Variants in LRRC36 observed in about 807,000 individuals in gnomAD.
LRRC36 encodes leucine rich repeat containing 36.
A neutral mutation model predicts 81.1 loss-of-function variants in LRRC36; 62 were observed. The ratio of observed to expected loss-of-function variants is 0.76; its 90% CI spans 0.62 to 0.94. LRRC36 has a LOEUF of 0.94. Among genes scored for constraint, LRRC36 ranks in the 40% least tolerant of loss-of-function variants. LRRC36 has a pLI of 0.00. For synonymous variants in LRRC36, 334 were observed against 348.6 expected, an observed-to-expected ratio of 0.96 and a Z score of 0.47; for missense variants, 761 against 881.7, an observed-to-expected ratio of 0.86 and a Z score of 1.73.
chr16:67,365,494 C>T (rs2039343692), intron 7 of LRRC36, 139 bp downstream of exon 7: 3 of 657,972 alleles, frequency 4.6e-6, no homozygotes, highest in Admixed American at 6.3e-5. Flanking sequence ...AGGGACTGTC[C>T]TGGATGATTA....
Position 67,338,865 on chromosome 16 carries a change from A to ATTTTTTT in LRRC36, c.71-3052_71-3046dup, listed in dbSNP as rs71145967. ...TTTCTAATTTCTGCTTGGAAGCTGA[A>ATTTTTTT]TTTTTTTTTTTTTTTTTTTTTTTTT... On this transcript the variant is annotated intron_variant, in intron 1 of 13. Coordinates refer to ENST00000329956, the MANE Select transcript of LRRC36 (RefSeq NM_018296.6). Among the ~76,000 whole-genome samples the ATTTTTTT allele has an allele frequency of 4.4e-5, 2 of 45,404 alleles. 1 individual carries two copies. Among genetic ancestry groups the ATTTTTTT allele is most frequent in the Non-Finnish European group, 8.5e-5 (2 of 23,534 alleles). The allele number at this position is 45,404 out of a possible 152,430, so 29.8% of individuals were successfully genotyped here.
intron 1 of LRRC36, among the ~76,000 whole-genome samples, chr16:67,328,217 A>C (rs1333851263): frequency 6.6e-6 from 1 of 152,082 alleles, no homozygotes; most frequent in Non-Finnish European, 1.5e-5. Flanking sequence ...GTAATATAAT[A>C]ATTGTACAGT....
intron 8 of LRRC36, among the ~76,000 whole-genome samples, chr16:67,370,562 G>A (rs1485182258): frequency 1.3e-5 from 2 of 151,290 alleles, no homozygotes; most frequent in Non-Finnish European, 2.9e-5. Context: ...GAACTCAGGA[G>A]GCAGAGGTTG....
At chr16:67,348,274 TA>T (rs2038448377) in intron 4 of LRRC36, among the ~76,000 whole-genome samples, 1 of 152,202 alleles carries the variant, frequency 6.6e-6, no homozygotes, top group African/African-American at 2.4e-5. Context: ...GTTTGGTATA[TA>T]TCCTTCCAGA....
intron 9 of LRRC36, among the ~76,000 whole-genome samples, chr16:67,374,895 G>A (rs1167315299): frequency 6.6e-6 from 1 of 151,902 alleles, no homozygotes; most frequent in Non-Finnish European, 1.5e-5. Flanking sequence ...ACTTTGGGAA[G>A]CTGAGGCGGG....
chr16:67,374,512 A>C (rs1412280053), intron 9 of LRRC36, among the ~76,000 whole-genome samples: 1 of 151,948 alleles, frequency 6.6e-6, no homozygotes, highest in Non-Finnish European at 1.5e-5. Flanking sequence ...CTCCTGCCTC[A>C]TCCTCCTGAG....
intron 2 of LRRC36, among the ~76,000 whole-genome samples, chr16:67,344,243 A>G (rs772440988): frequency 3.3e-5 from 5 of 152,232 alleles, no homozygotes; most frequent in Admixed American, 6.5e-5. Flanking sequence ...ACAACTGGTA[A>G]AAGTGAGAGG....
chr16:67,344,665 C>T (rs1471245988), intron 2 of LRRC36, among the ~76,000 whole-genome samples: 1 of 152,036 alleles, frequency 6.6e-6, no homozygotes, highest in African/African-American at 2.4e-5. Flanking sequence ...GGTGCACTGC[C>T]CTGAGAGTGA....
chr16:67,355,080 G>A lies in LRRC36; in HGVS notation c.577+4790G>A, dbSNP rs115460736. Among the ~76,000 whole-genome samples the A allele has an allele frequency of 6.3e-3, 964 of 152,180 alleles. 8 individuals are homozygous for A. The highest frequency in any genetic ancestry group is 0.022 in the African/African-American group (901 of 41,504). ...TTAAATTTCCTCCATGCCTTTTCAT[G>A]GCTTGACAGCTCATTTCTTCTTAGT... On this transcript the variant is annotated intron_variant, in intron 5 of 13. Coordinates refer to ENST00000329956, the MANE Select transcript of LRRC36 (RefSeq NM_018296.6).
At chr16:67,339,735 C>G (rs2037940511) in intron 1 of LRRC36, among the ~76,000 whole-genome samples, 1 of 152,138 alleles carries the variant, frequency 6.6e-6, no homozygotes. Context: ...ATATCTGGAC[C>G]TTTTATTTCC....
At chr16:67,344,081 T>C (rs1245505288) in intron 2 of LRRC36, among the ~76,000 whole-genome samples, 2 of 152,086 alleles carry the variant, frequency 1.3e-5, no homozygotes, top group African/African-American at 4.8e-5. Context: ...CCTCCCAAAG[T>C]GCTGGGATTA....
Position 67,341,962 on chromosome 16 carries a change from G to A in LRRC36, c.76G>A (p.Val26Met). ...TACTGATGATCTCTTTTCAGAACTG[G>A]TGGAGTCTCTTTCATTGCAGGGATC... Reference protein sequence around the residue: ...GALTLEQPELVESLSLQGSYA... With the variant: ...GALTLEQPELMESLSLQGSYA... The change falls in exon 2 of 14, where the codon GTG becomes ATG. Residue 26 changes from valine to methionine, a missense_variant. By Grantham distance (21) the Val-to-Met change is conservative (BLOSUM62 1). Transcript: ENST00000329956. The A allele has an allele frequency of 1.2e-6, 2 of 1,609,146 alleles. No homozygotes were observed. Among genetic ancestry groups the A allele is most frequent in the Non-Finnish European group, 1.7e-6 (2 of 1,176,886 alleles).
At chr16:67,382,598 C>T (rs564656173) in intron 13 of LRRC36, among the ~76,000 whole-genome samples, 1 of 152,108 alleles carries the variant, frequency 6.6e-6, no homozygotes, top group Non-Finnish European at 1.5e-5. Context: ...CTATTGGTCA[C>T]GAAAGACATC....
Position 67,375,275 on chromosome 16 carries a change from A to C in LRRC36, c.1523A>C (p.His508Pro), listed in dbSNP as rs774390305. 33 of 1,611,672 alleles carry C rather than the reference A, an allele frequency of 2.0e-5. No individual in the cohort carries two copies. In the East Asian group the frequency reaches 7.1e-4, roughly 35 times the overall value. Residue 508 changes from histidine (H) to proline (P), a missense_variant, in exon 10 of 14, where the codon CAC (histidine) becomes CCC (proline). This residue lies in a region of LRRC36 where 359 missense variants were observed against 388.4 expected (regional missense o/e 0.92). Coordinates refer to ENST00000329956, the MANE Select transcript of LRRC36 (RefSeq NM_018296.6). ...EPLSSDLGSL[H>P]GLAGNHSPPI... ...CTCTCTAGTGACCTGGGTAGTTTGC[A>C]CGGTTTGGCTGGAAACCACAGTCCC...
At chr16:67,337,701 AT>A (rs1222973029) in intron 1 of LRRC36, among the ~76,000 whole-genome samples, 6 of 151,302 alleles carry the variant, frequency 4.0e-5, no homozygotes, top group Non-Finnish European at 5.9e-5. Flanking sequence ...TCTGTATTCA[AT>A]TTTTTTTCTT....
At chr16:67,332,395 T>C (rs151099534) in intron 1 of LRRC36, among the ~76,000 whole-genome samples, 7,904 of 151,748 alleles carry the variant, frequency 0.052, 612 homozygotes, top group African/African-American at 0.17. Context: ...CTACTAAAAA[T>C]ACAAAAAAAT....
intron 2 of LRRC36, 66 bp downstream of exon 2, chr16:67,342,150 A>G: frequency 8.4e-7 from 1 of 1,188,218 alleles, no homozygotes; most frequent in Admixed American, 2.4e-5. Context: ...AAGAAATAAG[A>G]GATAGATCAT....
Position 67,328,623 on chromosome 16 carries a change from G to A in LRRC36, c.70+1691G>A, listed in dbSNP as rs190345855. Among the ~76,000 whole-genome samples, 3 of 152,274 alleles carry A rather than the reference G, an allele frequency of 2.0e-5. No individual in the cohort carries two copies. In the East Asian group the frequency reaches 5.8e-4, roughly 29 times the overall value. ...TTCCTAAAGGCAATTACTGTTACCA[G>A]TATCTTGGATAGTTTTCCAGAAATA... is the stretch of plus-strand genomic sequence containing the variant. On this transcript the variant is annotated intron_variant, in intron 1 of 13. Transcript: ENST00000329956.
At chr16:67,366,239 C>T (rs1292989293) in intron 7 of LRRC36, among the ~76,000 whole-genome samples, 2 of 151,976 alleles carry the variant, frequency 1.3e-5, no homozygotes, top group Admixed American at 1.3e-4. Flanking sequence ...CTCATAATAA[C>T]CTCAAACTTC....
Sources: gnomAD v4.1 joint callset for allele counts (sites outside exome capture counted in the v4.1 genomes callset) on GRCh38, gnomAD v4.1.1 for gene constraint, gnomAD v4.1.1 regional missense constraint, MANE v1.5 for transcripts, NCBI Gene and HGNC (gene_info 2026-07-23, HGNC 2026-07-21) for gene names.